Variants in TMEM266 observed in about 807,000 individuals in gnomAD.
TMEM266 encodes Hv1 related protein 1.
In TMEM266, 33 loss-of-function variants were observed where a neutral mutation model predicts 50.5. The observed-to-expected ratio is 0.65, with a 90% CI of 0.50 to 0.87. TMEM266 has a LOEUF of 0.87. TMEM266 is among the 40% of genes least tolerant of loss of function. The probability of loss-of-function intolerance (pLI) is 0.00; values close to 1 mark genes in which losing one functional copy is unlikely to be tolerated. For missense variants in TMEM266, 655 were observed against 695.1 expected (o/e 0.94, Z 0.65); for synonymous variants, 310 against 292.3 (o/e 1.06, Z -0.62).
chr15:76,124,262 G>A (rs930216098), intron 1 of TMEM266, among the ~76,000 whole-genome samples: 2 of 152,150 alleles, frequency 1.3e-5, no homozygotes, highest in African/African-American at 4.8e-5. Context: ...AGCTGTAGCA[G>A]CCATTCTGCA....
At chr15:76,102,840 C>CAAA (rs576336505) in intron 1 of TMEM266, among the ~76,000 whole-genome samples, 8 of 48,388 alleles carry the variant, frequency 1.7e-4, no homozygotes, top group East Asian at 6.2e-4. Context: ...CCCTTATCTC[C>CAAA]AAAAAAAAAA....
chr15:76,072,083 CA>C (rs930958887), intron 1 of TMEM266, among the ~76,000 whole-genome samples: 8 of 152,046 alleles, frequency 5.3e-5, no homozygotes, highest in Non-Finnish European at 1.0e-4. Flanking sequence ...CAGTTGTAAC[CA>C]CATTCAGATG....
At chr15:76,089,950 G>A (rs1385017489) in intron 1 of TMEM266, among the ~76,000 whole-genome samples, 2 of 152,168 alleles carry the variant, frequency 1.3e-5, no homozygotes, top group Non-Finnish European at 2.9e-5. Flanking sequence ...GAAGATTTGG[G>A]TGGATGGTAA....
intron 1 of TMEM266, among the ~76,000 whole-genome samples, chr15:76,116,896 C>CTTTTT (rs143849730): frequency 8.4e-5 from 11 of 131,678 alleles, no homozygotes; most frequent in East Asian, 2.2e-4. Flanking sequence ...AGCATATCTT[C>CTTTTT]TTTTTTTTTT....
At chr15:76,081,978 C>G (rs2036700764) in intron 1 of TMEM266, among the ~76,000 whole-genome samples, 1 of 152,152 alleles carries the variant, frequency 6.6e-6, no homozygotes, top group South Asian at 2.1e-4. Context: ...ATCGTTCTTC[C>G]TTTTCAAAAC....
chr15:76,092,911 G>A (rs1596099550), intron 1 of TMEM266, among the ~76,000 whole-genome samples: 1 of 146,622 alleles, frequency 6.8e-6, no homozygotes, highest in Non-Finnish European at 1.5e-5. Context: ...AGGTTCAAGT[G>A]ATTCTCCTGC....
intron 1 of TMEM266, chr15:76,112,744 G>A (rs890751712): frequency 1.1e-4 from 16 of 152,268 alleles, no homozygotes; most frequent in African/African-American, 3.9e-4. Flanking sequence ...ACTAAATTTG[G>A]CAGATAAAAA....
chr15:76,180,640 G>T (rs1404319464), intron 8 of TMEM266, among the ~76,000 whole-genome samples: 7 of 112,066 alleles, frequency 6.2e-5, no homozygotes, highest in Admixed American at 2.6e-4. Context: ...TTGGAACAGA[G>T]TCTCACTCTG....
At chr15:76,063,638 A>G (rs1444408979) in intron 1 of TMEM266, among the ~76,000 whole-genome samples, 1 of 152,102 alleles carries the variant, frequency 6.6e-6, no homozygotes, top group Non-Finnish European at 1.5e-5. Flanking sequence ...CTAGCCTACT[A>G]TATTAATTAG....
chr15:76,065,644 C>T lies in TMEM266; in HGVS notation c.-97+5628C>T, dbSNP rs530576534. 9.9e-5 allele frequency among the ~76,000 whole-genome samples: 15 copies of T among 152,180 alleles called. No homozygotes were observed. In the South Asian group the frequency reaches 3.1e-3, roughly 32 times the overall value. ...AACCCTCGTACCTCAGTGTCCTCAT[C>T]GGTAAAATGGGGAGAAGAGTAGCTA... On this transcript the variant is annotated intron_variant, in intron 1 of 10. Transcript: ENST00000388942.
chr15:76,126,777 C>T (rs538916681), intron 1 of TMEM266, among the ~76,000 whole-genome samples: 72 of 152,206 alleles, frequency 4.7e-4, no homozygotes, highest in African/African-American at 1.6e-3. Flanking sequence ...AGTCCACCTG[C>T]CTGGGCCTCC....
intron 1 of TMEM266, among the ~76,000 whole-genome samples, chr15:76,087,160 T>C (rs547916030): frequency 3.3e-4 from 50 of 152,242 alleles, no homozygotes; most frequent in African/African-American, 1.1e-3. Context: ...TTGTGCATCT[T>C]TTTTTTAAAG....
intron 1 of TMEM266, among the ~76,000 whole-genome samples, chr15:76,084,517 G>A (rs1232868735): frequency 6.6e-6 from 1 of 152,184 alleles, no homozygotes; most frequent in Non-Finnish European, 1.5e-5. Flanking sequence ...TTGGGCAACT[G>A]GGACACAGGT....
intron 1 of TMEM266, among the ~76,000 whole-genome samples, chr15:76,085,168 C>T (rs757798622): frequency 2.0e-5 from 3 of 151,196 alleles, no homozygotes; most frequent in Admixed American, 6.6e-5. Flanking sequence ...ACTGTGTTAG[C>T]CAGCACGGTC....
chr15:76,190,441 G>C (rs1339544269), intron 8 of TMEM266, among the ~76,000 whole-genome samples: 2 of 152,222 alleles, frequency 1.3e-5, no homozygotes, highest in Non-Finnish European at 2.9e-5. Flanking sequence ...TTTATGGACA[G>C]GAGTGTCATG....
intron 9 of TMEM266, among the ~76,000 whole-genome samples, chr15:76,200,666 T>TG (rs941726673): frequency 6.6e-6 from 1 of 152,158 alleles, no homozygotes; most frequent in Non-Finnish European, 1.5e-5. Flanking sequence ...CCACAGGGCC[T>TG]GGGGGTCCTG....
At chr15:76,165,562 C>T (rs2038081565) in intron 5 of TMEM266, among the ~76,000 whole-genome samples, 1 of 152,198 alleles carries the variant, frequency 6.6e-6, no homozygotes, top group Non-Finnish European at 1.5e-5. Context: ...TCAGATGCTC[C>T]TTCAAAGGCC....
chr15:76,158,629 ACAAT>A (rs201997816), intron 4 of TMEM266, among the ~76,000 whole-genome samples: 3,315 of 152,358 alleles, frequency 0.022, 49 homozygotes, highest in Non-Finnish European at 0.034. Flanking sequence ...CATAAAACGC[ACAAT>A]CAGAGATTTA....
chr15:76,171,149 G>T lies in TMEM266; in HGVS notation c.652+18G>T. 6.2e-7 allele frequency: 1 copy of T among 1,611,982 alleles called. No individual in the cohort carries two copies. The highest frequency in any genetic ancestry group is 8.5e-7 in the Non-Finnish European group (1 of 1,178,658). On this transcript the variant is annotated intron_variant, in intron 7 of 10. Transcript: ENST00000388942. Reference sequence around the variant, plus strand: ...CATTGATGGTGAGTGGCCCGAGGGGGGTGTGGTCAGTGGGGCTGCTCCAGA... The same window carrying T: ...CATTGATGGTGAGTGGCCCGAGGGGTGTGTGGTCAGTGGGGCTGCTCCAGA...
Sources: allele counts gnomAD v4.1 joint callset (sites outside exome capture counted in the v4.1 genomes callset), GRCh38; gene constraint gnomAD v4.1.1; transcripts MANE v1.5; gene names NCBI Gene and HGNC (gene_info 2026-07-23, HGNC 2026-07-21).